ROBO1: variants seen among roughly 807,000 people sequenced by gnomAD.
The protein encoded by ROBO1 is roundabout guidance receptor 1.
In ROBO1, 149 loss-of-function variants were observed where a neutral mutation model predicts 195.9. That is an observed-to-expected ratio of 0.76 (90% CI 0.67 to 0.87). The LOEUF (loss-of-function observed/expected upper bound fraction) is 0.87, where lower values mean the gene tolerates loss of function less well. ROBO1 is among the 40% of genes least tolerant of loss of function. The probability of loss-of-function intolerance (pLI) is 0.00; values close to 1 mark genes in which losing one functional copy is unlikely to be tolerated. For missense variants in ROBO1, 1,933 were observed against 2,068.3 expected (o/e 0.93, Z 1.27); for synonymous variants, 816 against 733.2 (o/e 1.11, Z -1.82).
chr3:79,679,292 G>T (rs1946875087), intron 1 of ROBO1, among the ~76,000 whole-genome samples: 1 of 151,820 alleles, frequency 6.6e-6, no homozygotes, highest in Admixed American at 6.6e-5. Context: ...TATATTAGTT[G>T]TTTTATAGCT....
intron 9 of ROBO1, among the ~76,000 whole-genome samples, chr3:78,688,006 C>A (rs924254116): frequency 6.6e-6 from 1 of 151,832 alleles, no homozygotes; most frequent in African/African-American, 2.4e-5. Flanking sequence ...TCTAAGATTT[C>A]CTATTTATTA....
intron 2 of ROBO1, among the ~76,000 whole-genome samples, chr3:79,503,277 C>G (rs1404245080): frequency 6.6e-6 from 1 of 152,164 alleles, no homozygotes; most frequent in Non-Finnish European, 1.5e-5. Flanking sequence ...CAGCTTCACT[C>G]CTGAGCCAGG....
At chr3:79,056,814 C>T (rs1173377737) in intron 3 of ROBO1, among the ~76,000 whole-genome samples, 1 of 152,020 alleles carries the variant, frequency 6.6e-6, no homozygotes, top group Non-Finnish European at 1.5e-5. Flanking sequence ...GATAATAGTT[C>T]AACATAATGA....
chr3:78,599,279 C>T (rs1703029831), intron 30 of ROBO1, among the ~76,000 whole-genome samples: 2 of 152,108 alleles, frequency 1.3e-5, no homozygotes, highest in South Asian at 4.1e-4. Context: ...ACAGTAAGGC[C>T]ATTCTGTTCC....
chr3:79,154,802 C>T (rs970236819), intron 2 of ROBO1, among the ~76,000 whole-genome samples: 9 of 151,784 alleles, frequency 5.9e-5, no homozygotes, highest in Non-Finnish European at 1.0e-4. Flanking sequence ...TTTAGCTTTC[C>T]GAAGTAAGCT....
rs138527299 is a variant in ROBO1, at chr3:78,711,440, T to TTTCC, written c.1045+2953_1045+2956dup. 5.6e-3 allele frequency among the ~76,000 whole-genome samples: 231 copies of TTTCC among 41,602 alleles called. 11 individuals are homozygous for TTTCC. The highest frequency in any genetic ancestry group is 0.015 in the African/African-American group (193 of 12,562). 27.3% of individuals were successfully genotyped at this position (41,602 alleles called of 152,430 possible). A position where few individuals can be genotyped will look rare whatever the true frequency, so the allele number is the denominator to read the frequency against. ...CTTTCTTTCTTTCTTTCTTTCTTTC[T>TTTCC]TTCCTTCCTTCCTTCCTTCCTTCCT... On this transcript the variant is annotated intron_variant, in intron 8 of 30. Coordinates refer to ENST00000464233, the MANE Select transcript of ROBO1 (RefSeq NM_002941.4).
At chr3:78,606,588 A>G in intron 29 of ROBO1, 145 bp downstream of exon 29, 1 of 776,416 alleles carries the variant, frequency 1.3e-6, no homozygotes, top group Non-Finnish European at 2.2e-6. Context: ...AACTGTATTA[A>G]AATTATTCGA....
At chr3:79,696,190 C>T (rs1447306590) in intron 1 of ROBO1, among the ~76,000 whole-genome samples, 1 of 151,440 alleles carries the variant, frequency 6.6e-6, no homozygotes, top group African/African-American at 2.4e-5. Context: ...TCCTCCAAGA[C>T]TGATTTCTCT....
intron 2 of ROBO1, among the ~76,000 whole-genome samples, chr3:79,395,340 A>AAAAAAAGAAAGAAAGAAAGAAAGAAAG (rs71631648): frequency 8.4e-6 from 1 of 119,056 alleles, no homozygotes; most frequent in African/African-American, 3.1e-5. Flanking sequence ...AAAAAAAAAA[A>AAAAAAAGAAAGAAAGAAAGAAAGAAAG]AAAGAAAGAA....
intron 10 of ROBO1, among the ~76,000 whole-genome samples, chr3:78,678,084 T>C (rs1056481986): frequency 3.0e-4 from 46 of 152,200 alleles, no homozygotes; most frequent in African/African-American, 8.7e-4. Flanking sequence ...ACTGGGTGCA[T>C]AACGAAATGA....
In ROBO1 at chr3:79,664,682, C is replaced by T. The variant is rs1273100635; in HGVS notation, c.-50-74721G>A. 5.9e-5 allele frequency among the ~76,000 whole-genome samples: 9 copies of T among 152,086 alleles called. No individual in the cohort carries two copies. In the South Asian group the frequency reaches 6.2e-4, roughly 11 times the overall value. On this transcript the variant is annotated intron_variant, in intron 1 of 30. Transcript: ENST00000464233. ...GAACAGAATTGCAGTAGAGAAGGCACGATCCCATTCATTTACGGTGCTTGT... is the reference window on the plus strand; with the variant it reads ...GAACAGAATTGCAGTAGAGAAGGCATGATCCCATTCATTTACGGTGCTTGT...
At chr3:79,426,347 T>C (rs191877086) in intron 2 of ROBO1, among the ~76,000 whole-genome samples, 6 of 152,186 alleles carry the variant, frequency 3.9e-5, no homozygotes, top group Admixed American at 2.6e-4. Context: ...CTTCCTTTCT[T>C]CATATATAAT....
intron 3 of ROBO1, among the ~76,000 whole-genome samples, chr3:78,958,474 A>G (rs2041157060): frequency 6.6e-6 from 1 of 152,202 alleles, no homozygotes; most frequent in South Asian, 2.1e-4. Context: ...AATAATTCCA[A>G]ATTTTGATGT....
Position 79,126,342 on chromosome 3 carries a change from C to T in ROBO1, c.89-803G>A, listed in dbSNP as rs149642415. On this transcript the variant is annotated intron_variant, in intron 2 of 30. Transcript: ENST00000464233. ...TTTTTTCTGTTTTTCTTAAATTGCA[C>T]ATTAATTTTCCCACGCAGAATTTTA... Among the ~76,000 whole-genome samples the T allele has an allele frequency of 2.5e-3, 375 of 152,164 alleles. 3 individuals carry two copies. The highest frequency in any genetic ancestry group is 8.6e-3 in the African/African-American group (359 of 41,512).
chr3:78,649,035 C>T (rs1706479580), intron 19 of ROBO1, among the ~76,000 whole-genome samples: 1 of 151,380 alleles, frequency 6.6e-6, no homozygotes, highest in Non-Finnish European at 1.5e-5. Flanking sequence ...CTTAAGAATC[C>T]TATTGTGTTT....
intron 2 of ROBO1, among the ~76,000 whole-genome samples, chr3:79,224,352 C>A (rs1363117417): frequency 6.6e-6 from 1 of 152,146 alleles, no homozygotes; most frequent in Non-Finnish European, 1.5e-5. Context: ...TTAATTTTTG[C>A]AGTTGCTGAG....
chr3:78,816,719 A>T (rs1162843397), intron 4 of ROBO1, among the ~76,000 whole-genome samples: 1 of 152,154 alleles, frequency 6.6e-6, no homozygotes, highest in African/African-American at 2.4e-5. Flanking sequence ...GTAATTGCAA[A>T]TGTGATGGAA....
chr3:79,540,748 A>C (rs902861937), intron 2 of ROBO1, among the ~76,000 whole-genome samples: 2 of 152,076 alleles, frequency 1.3e-5, no homozygotes, highest in Non-Finnish European at 2.9e-5. Context: ...CAACATTTTG[A>C]AGTTATTTCA....
At chr3:78,672,757 A>G (rs1708139909) in intron 10 of ROBO1, among the ~76,000 whole-genome samples, 1 of 152,226 alleles carries the variant, frequency 6.6e-6, no homozygotes, top group Admixed American at 6.5e-5. Flanking sequence ...TTATGAGTCA[A>G]ATCTTAATTT....
Sources: gnomAD v4.1 joint callset for allele counts (sites outside exome capture counted in the v4.1 genomes callset) on GRCh38, gnomAD v4.1.1 for gene constraint, MANE v1.5 for transcripts, NCBI Gene and HGNC (gene_info 2026-07-23, HGNC 2026-07-21) for gene names.